Variants in STX18 observed in about 807,000 individuals in gnomAD.
STX18 encodes syntaxin 18.
In STX18, 40 loss-of-function variants were observed where a neutral mutation model predicts 50.1. That is an observed-to-expected ratio of 0.80 (90% confidence interval 0.62 to 1.04). The LOEUF (loss-of-function observed/expected upper bound fraction) is 1.04. STX18 is among the 50% of genes least tolerant of loss of function. The pLI is 0.00. For synonymous variants in STX18, 158 were observed against 151.8 expected (o/e 1.04, Z -0.30); for missense variants, 410 against 415.8 (o/e 0.99, Z 0.12).
At chr4:4,540,718 A>AT (rs1368961357) in intron 1 of STX18, among the ~76,000 whole-genome samples, 1 of 152,198 alleles carries the variant, frequency 6.6e-6, no homozygotes, top group Non-Finnish European at 1.5e-5. Context: ...ATAGACGGTC[A>AT]TCAATAGGGC....
chr4:4,484,486 T>A lies in STX18; in HGVS notation c.169-12780A>T, dbSNP rs549778024. Among the ~76,000 whole-genome samples the A allele has an allele frequency of 1.7e-4, 26 of 152,316 alleles. 1 individual carries two copies. Among genetic ancestry groups the A allele is most frequent in the African/African-American group, 6.0e-4 (25 of 41,564 alleles). On this transcript the variant is annotated intron_variant, in intron 1 of 10. Coordinates refer to ENST00000306200, the MANE Select transcript of STX18 (RefSeq NM_016930.4). Reference sequence around the variant, plus strand: ...TATATGCACATTTTTCCTGGCCTCCTGTCATTTGCAATTCTGATCATTATG... The same window carrying A: ...TATATGCACATTTTTCCTGGCCTCCAGTCATTTGCAATTCTGATCATTATG...
chr4:4,496,623 A>G (rs959702153), intron 1 of STX18, among the ~76,000 whole-genome samples: 2 of 152,164 alleles, frequency 1.3e-5, no homozygotes, highest in African/African-American at 4.8e-5. Flanking sequence ...TATTTGTGCT[A>G]TTTTATAATC....
chr4:4,504,758 C>T (rs1577382624), intron 1 of STX18, among the ~76,000 whole-genome samples: 1 of 152,238 alleles, frequency 6.6e-6, no homozygotes, highest in South Asian at 2.1e-4. Context: ...TGATGTATCA[C>T]TACACACCTA....
chr4:4,516,782 A>G (rs1288570211), intron 1 of STX18, among the ~76,000 whole-genome samples: 1 of 152,238 alleles, frequency 6.6e-6, no homozygotes, highest in African/African-American at 2.4e-5. Flanking sequence ...TCTAAAAAAA[A>G]AGAGAAAAAC....
intron 1 of STX18, among the ~76,000 whole-genome samples, chr4:4,510,454 C>T (rs1424734314): frequency 2.6e-5 from 4 of 152,102 alleles, no homozygotes; most frequent in Non-Finnish European, 5.9e-5. Flanking sequence ...TTTCATCAAT[C>T]TGTCCATCAA....
intron 1 of STX18, among the ~76,000 whole-genome samples, chr4:4,527,266 T>G (rs560915933): frequency 1.1e-4 from 16 of 152,362 alleles, no homozygotes; most frequent in African/African-American, 3.8e-4. Flanking sequence ...TTTGCAAGAA[T>G]ATTTCCTTTC....
rs556116275 is a variant in STX18, at chr4:4,525,192, G to A, written c.168+16605C>T. Among the ~76,000 whole-genome samples, 8 of 152,280 alleles carry A rather than the reference G, an allele frequency of 5.3e-5. No homozygotes were observed. The South Asian group carries it at 8.3e-4, about 16-fold the overall frequency. ...TTTATGAGAAAAAAGAAAAGACTTT[G>A]GGATAATTTAATCTGGAGAAAGCAA... is the stretch of plus-strand genomic sequence containing the variant. On this transcript the variant is annotated intron_variant, in intron 1 of 10. Coordinates refer to ENST00000306200, the MANE Select transcript of STX18 (RefSeq NM_016930.4).
At position 4,439,450 on chromosome 4, in the gene STX18, A is replaced by C. The variant is rs552147153; in HGVS notation, c.498-941T>G. 3.1e-4 allele frequency among the ~76,000 whole-genome samples: 37 copies of C among 121,124 alleles called. 1 individual carries two copies. Among genetic ancestry groups the C allele is most frequent in the African/African-American group, 8.9e-4 (28 of 31,386 alleles). The allele number at this position is 121,124 out of a possible 152,430, so 79.5% of individuals were successfully genotyped here. A position where few individuals can be genotyped will look rare whatever the true frequency, so the allele number is the denominator to read the frequency against. On this transcript the variant is annotated intron_variant, in intron 5 of 10. Coordinates refer to ENST00000306200, the MANE Select transcript of STX18 (RefSeq NM_016930.4). ...ATACCCCCCACATATACCCTCCCCC[A>C]CACACATATATCTACATACACATAT...
intron 1 of STX18, among the ~76,000 whole-genome samples, chr4:4,474,745 G>A (rs1231843471): frequency 2.0e-5 from 3 of 152,162 alleles, no homozygotes; most frequent in Non-Finnish European, 4.4e-5. Context: ...AAGAATGTGG[G>A]CAGCCTCTAG....
intron 5 of STX18, among the ~76,000 whole-genome samples, chr4:4,444,420 C>T (rs1243397335): frequency 6.6e-6 from 1 of 152,182 alleles, no homozygotes; most frequent in Admixed American, 6.5e-5. Flanking sequence ...TATGCTAGCA[C>T]TTCACATCTA....
rs781092166 is a variant in STX18 at position 4,457,172 on chromosome 4, C to T, written c.497+19G>A. On this transcript the variant is annotated intron_variant, in intron 5 of 10. Coordinates refer to ENST00000306200, the MANE Select transcript of STX18 (RefSeq NM_016930.4). Reference sequence around the variant, plus strand: ...AGTACTATTATTAATTAAGAAACACCAATGAAAGCAATACTTACAATCTTT... The same window carrying T: ...AGTACTATTATTAATTAAGAAACACTAATGAAAGCAATACTTACAATCTTT... 2 of 1,604,748 alleles carry T rather than the reference C, an allele frequency of 1.2e-6. No individual in the cohort carries two copies. Among genetic ancestry groups the T allele is most frequent in the Non-Finnish European group, 1.7e-6 (2 of 1,172,008 alleles).
At chr4:4,539,010 A>T (rs1471227044) in intron 1 of STX18, among the ~76,000 whole-genome samples, 1 of 152,220 alleles carries the variant, frequency 6.6e-6, no homozygotes, top group African/African-American at 2.4e-5. Flanking sequence ...ATAAAAGTTA[A>T]ATGTTTAAAA....
chr4:4,468,245 C>T (rs1488960667), intron 2 of STX18, among the ~76,000 whole-genome samples: 2 of 152,178 alleles, frequency 1.3e-5, no homozygotes, highest in African/African-American at 2.4e-5. Flanking sequence ...TGAAACACCA[C>T]GTCCCCTCCC....
At chr4:4,506,822 T>C (rs895422513) in intron 1 of STX18, among the ~76,000 whole-genome samples, 3 of 152,242 alleles carry the variant, frequency 2.0e-5, no homozygotes, top group African/African-American at 7.2e-5. Context: ...TCTCCAAGTA[T>C]CTTATTGTAC....
At chr4:4,515,570 T>C (rs963870425) in intron 1 of STX18, among the ~76,000 whole-genome samples, 2 of 152,152 alleles carry the variant, frequency 1.3e-5, no homozygotes, top group African/African-American at 4.8e-5. Flanking sequence ...TTATACTGGA[T>C]ACCAGTCTGA....
At chr4:4,432,365 T>C (rs751972099) in intron 7 of STX18, among the ~76,000 whole-genome samples, 1 of 152,380 alleles carries the variant, frequency 6.6e-6, no homozygotes, top group East Asian at 1.9e-4. Flanking sequence ...GACCCTGCCA[T>C]GATGGCATGC....
chr4:4,513,885 A>G (rs1487081920), intron 1 of STX18, among the ~76,000 whole-genome samples: 4 of 152,160 alleles, frequency 2.6e-5, no homozygotes, highest in Non-Finnish European at 5.9e-5. Context: ...TGCTTTTATA[A>G]ATGATGTGAT....
At chr4:4,461,225 C>T (rs1460515075) in intron 2 of STX18, among the ~76,000 whole-genome samples, 1 of 151,944 alleles carries the variant, frequency 6.6e-6, no homozygotes, top group African/African-American at 2.4e-5. Context: ...ATACATTAAC[C>T]TTCTAAATTG....
chr4:4,538,075 C>T (rs560156744), intron 1 of STX18, among the ~76,000 whole-genome samples: 75 of 146,546 alleles, frequency 5.1e-4, no homozygotes, highest in African/African-American at 1.7e-3. Flanking sequence ...TATCTATTAA[C>T]AAAATGAACA....
Sources: allele counts gnomAD v4.1 joint callset (sites outside exome capture counted in the v4.1 genomes callset), GRCh38; gene constraint gnomAD v4.1.1; transcripts MANE v1.5; gene names NCBI Gene and HGNC (gene_info 2026-07-23, HGNC 2026-07-21).